The following CDH13 variants were observed in gnomAD, a reference collection of about 807,000 sequenced individuals.
The protein encoded by CDH13 is cadherin 13, also known as cadherin-13.
A neutral mutation model predicts 63.8 loss-of-function variants in CDH13; 24 were observed. That is an observed-to-expected ratio of 0.38 (90% confidence interval 0.27 to 0.53). The LOEUF (loss-of-function observed/expected upper bound fraction) is 0.53. Ranked by LOEUF, CDH13 falls within the 20% of genes least tolerant of loss-of-function variation. The pLI, the probability that CDH13 is intolerant of heterozygous loss-of-function variation, is 0.85. For missense variants in CDH13, 1,049 were observed against 903.1 expected, an observed-to-expected ratio of 1.16 and a Z score of -2.07; for synonymous variants, 503 against 355.3, an observed-to-expected ratio of 1.42 and a Z score of -4.67.
intron 2 of CDH13, among the ~76,000 whole-genome samples, chr16:83,015,334 G>C (rs562683996): frequency 6.6e-6 from 1 of 151,436 alleles, no homozygotes; most frequent in Non-Finnish European, 1.5e-5. Flanking sequence ...TCTAAAGGGC[G>C]CTGCAATTCA....
chr16:82,981,305 C>A (rs1484647940), intron 2 of CDH13, among the ~76,000 whole-genome samples: 5 of 152,142 alleles, frequency 3.3e-5, no homozygotes, highest in Non-Finnish European at 5.9e-5. Flanking sequence ...CTCAATTCAC[C>A]TTTCCCCAGG....
chr16:83,139,559 A>G (rs1162799661), intron 4 of CDH13, among the ~76,000 whole-genome samples: 1 of 152,076 alleles, frequency 6.6e-6, no homozygotes, highest in Non-Finnish European at 1.5e-5. Flanking sequence ...TGGTGCTTTT[A>G]TTTTGTTATT....
chr16:83,708,364 A>T (rs1907462791), intron 10 of CDH13, among the ~76,000 whole-genome samples: 1 of 152,196 alleles, frequency 6.6e-6, no homozygotes, highest in Non-Finnish European at 1.5e-5. Context: ...TAGCCAGAGG[A>T]GGTAGCATGG....
At chr16:83,180,837 T>A in intron 4 of CDH13, 1 of 1,453,062 alleles carries the variant, frequency 6.9e-7, no homozygotes, top group Non-Finnish European at 9.3e-7. Flanking sequence ...TAATCCCCAA[T>A]TTACAACAAA....
At chr16:82,672,999 C>CTTTTTCTTTTTTTTTT (rs1555531928) in intron 1 of CDH13, among the ~76,000 whole-genome samples, 1 of 81,270 alleles carries the variant, frequency 1.2e-5, no homozygotes, top group African/African-American at 5.4e-5. Context: ...ATAAAGTTTT[C>CTTTTTCTTTTTTTTTT]TTTTTTTTTT....
chr16:83,448,245 A>C (rs1369327360), intron 6 of CDH13, among the ~76,000 whole-genome samples: 1 of 152,172 alleles, frequency 6.6e-6, no homozygotes, highest in Non-Finnish European at 1.5e-5. Flanking sequence ...ATATGTAAAG[A>C]AATCAGTAAG....
chr16:83,797,705 G>C lies in CDH13; in HGVS notation c.*2675G>C, dbSNP rs1219335563. ...ATCTGAGTCCAACTTATTAAAAAACGAAGTCAAGTAAGGACCAGAAATTGC... is the reference window on the plus strand; with the variant it reads ...ATCTGAGTCCAACTTATTAAAAAACCAAGTCAAGTAAGGACCAGAAATTGC... On this transcript the variant is annotated 3_prime_UTR_variant, in exon 14 of 14. Transcript: ENST00000567109. The C allele has an allele frequency of 6.6e-6, 1 of 152,060 alleles. No individual in the cohort carries two copies. The highest frequency in any genetic ancestry group is 2.1e-4 in the South Asian group (1 of 4,818). The allele number at this position is 152,060 out of a possible 1,614,324, so 9.4% of individuals were successfully genotyped here.
chr16:83,356,156 T>C (rs1208518151), intron 6 of CDH13, among the ~76,000 whole-genome samples: 16 of 152,148 alleles, frequency 1.1e-4, no homozygotes, highest in Non-Finnish European at 1.5e-5. Flanking sequence ...CCAAAGTTGC[T>C]ACCTTAAATG....
chr16:83,125,991 A>G (rs938212838), intron 4 of CDH13, among the ~76,000 whole-genome samples: 12 of 152,234 alleles, frequency 7.9e-5, no homozygotes, highest in African/African-American at 2.7e-4. Flanking sequence ...TGTCCCATGA[A>G]TCAGAACAAT....
chr16:83,704,477 T>C (rs1258910952), intron 10 of CDH13, among the ~76,000 whole-genome samples: 1 of 152,092 alleles, frequency 6.6e-6, no homozygotes, highest in Non-Finnish European at 1.5e-5. Flanking sequence ...GTGTACCCAG[T>C]GAGTGGATTT....
At chr16:83,354,870 T>A (rs1204838418) in intron 6 of CDH13, among the ~76,000 whole-genome samples, 4 of 152,362 alleles carry the variant, frequency 2.6e-5, no homozygotes, top group Admixed American at 6.5e-5. Context: ...TTTATTAGAA[T>A]ACACATGTGC....
chr16:83,524,328 G>C (rs7195811), intron 7 of CDH13, among the ~76,000 whole-genome samples: 35,206 of 151,920 alleles, frequency 0.23, 4,230 homozygotes, highest in African/African-American at 0.28. Context: ...ATTTAAAAAT[G>C]TATAACCACA....
intron 2 of CDH13, among the ~76,000 whole-genome samples, chr16:82,959,874 T>C (rs567271221): frequency 2.0e-5 from 3 of 152,326 alleles, no homozygotes; most frequent in African/African-American, 7.2e-5. Context: ...CACAATTGTG[T>C]ACAGATTTTT....
chr16:83,512,695 A>T (rs1380896572), intron 7 of CDH13, among the ~76,000 whole-genome samples: 6 of 151,070 alleles, frequency 4.0e-5, no homozygotes, highest in African/African-American at 1.2e-4. Context: ...TATAATAATA[A>T]TAATAGTAAT....
At chr16:83,244,006 A>T (rs1276853306) in intron 5 of CDH13, among the ~76,000 whole-genome samples, 1 of 152,126 alleles carries the variant, frequency 6.6e-6, no homozygotes, top group African/African-American at 2.4e-5. Flanking sequence ...ATATAAATTC[A>T]TCTCTCTAGA....
intron 1 of CDH13, among the ~76,000 whole-genome samples, chr16:82,787,585 A>G (rs1264154208): frequency 2.0e-5 from 3 of 152,204 alleles, no homozygotes; most frequent in Admixed American, 2.0e-4. Flanking sequence ...AGACATATGC[A>G]TCACCTCACT....
chr16:83,182,291 C>T (rs1055962549), intron 4 of CDH13, among the ~76,000 whole-genome samples: 1 of 152,184 alleles, frequency 6.6e-6, no homozygotes, highest in Non-Finnish European at 1.5e-5. Flanking sequence ...CCTCTGATGG[C>T]TCTGGTCTCC....
intron 5 of CDH13, among the ~76,000 whole-genome samples, chr16:83,333,548 A>G (rs1201961428): frequency 6.6e-6 from 1 of 152,212 alleles, no homozygotes; most frequent in Non-Finnish European, 1.5e-5. Flanking sequence ...GTTGCCAGGA[A>G]GATGGCATTC....
intron 5 of CDH13, among the ~76,000 whole-genome samples, chr16:83,225,839 C>G (rs755496734): frequency 6.6e-6 from 1 of 152,140 alleles, no homozygotes; most frequent in Non-Finnish European, 1.5e-5. Flanking sequence ...CTTGTCTGTA[C>G]CCCAGTTCGT....
Sources: gnomAD v4.1 joint callset for allele counts (sites outside exome capture counted in the v4.1 genomes callset) on GRCh38, gnomAD v4.1.1 for gene constraint, MANE v1.5 for transcripts, NCBI Gene and HGNC (gene_info 2026-07-23, HGNC 2026-07-21) for gene names.